The following NBEA variants were observed in gnomAD, a reference collection of about 807,000 sequenced individuals.
The protein encoded by NBEA is lysosomal-trafficking regulator 2.
In NBEA, 44 loss-of-function variants were observed where a neutral mutation model predicts 343.4. The ratio of observed to expected loss-of-function variants is 0.13; its 90% CI spans 0.10 to 0.16. NBEA has a LOEUF of 0.16. Ranked by LOEUF, NBEA falls within the 10% of genes least tolerant of loss-of-function variation. The pLI, the probability that NBEA is intolerant of heterozygous loss-of-function variation, is 1.00. For synonymous variants in NBEA, 1,175 were observed against 1,238.7 expected (o/e 0.95, Z 1.08); for missense variants, 2,555 against 3,631.3 (o/e 0.70, Z 7.62).
At chr13:35,212,507 T>C (rs938834076) in intron 33 of NBEA, among the ~76,000 whole-genome samples, 15 of 152,188 alleles carry the variant, frequency 9.9e-5, no homozygotes, top group African/African-American at 3.1e-4. Flanking sequence ...TACTATTACA[T>C]GTGTGTACTG....
At chr13:35,254,468 C>T (rs1229688268) in intron 34 of NBEA, among the ~76,000 whole-genome samples, 2 of 151,618 alleles carry the variant, frequency 1.3e-5, no homozygotes, top group African/African-American at 4.8e-5. Context: ...CAGGTGTGCA[C>T]CACCACACTC....
At chr13:34,982,510 A>G (rs1312506755) in intron 1 of NBEA, among the ~76,000 whole-genome samples, 1 of 152,142 alleles carries the variant, frequency 6.6e-6, no homozygotes, top group Non-Finnish European at 1.5e-5. Flanking sequence ...CATGTTGGCC[A>G]GGCTGGTCTT....
chr13:35,567,618 G>T (rs1181986220), intron 45 of NBEA, among the ~76,000 whole-genome samples: 1 of 152,194 alleles, frequency 6.6e-6, no homozygotes, highest in Non-Finnish European at 1.5e-5. Context: ...AGCCCAAAAA[G>T]CTGCTCTATA....
At chr13:35,258,053 A>G (rs1347557535) in intron 34 of NBEA, among the ~76,000 whole-genome samples, 2 of 152,066 alleles carry the variant, frequency 1.3e-5, no homozygotes, top group African/African-American at 4.8e-5. Context: ...TTCATTTTAT[A>G]GATTTTTACA....
At chr13:35,452,052 A>G (rs1449634488) in intron 39 of NBEA, 40 bp from the exon 40 acceptor site, 1 of 1,483,220 alleles carries the variant, frequency 6.7e-7, no homozygotes, top group Admixed American at 1.9e-5. Flanking sequence ...AGCAGAAACA[A>G]TCATAATAAC....
chr13:35,436,872 G>C (rs2045473487), intron 39 of NBEA, among the ~76,000 whole-genome samples: 1 of 152,170 alleles, frequency 6.6e-6, no homozygotes, highest in African/African-American at 2.4e-5. Flanking sequence ...AGAATGTCTA[G>C]AAGTATTTGA....
intron 18 of NBEA, among the ~76,000 whole-genome samples, chr13:35,150,774 T>C (rs375360051): frequency 2.7e-5 from 4 of 150,882 alleles, no homozygotes; most frequent in African/African-American, 2.4e-5. Flanking sequence ...AACCAACTTA[T>C]GGTGTTGATA....
intron 41 of NBEA, among the ~76,000 whole-genome samples, chr13:35,518,903 T>C (rs533931957): frequency 2.0e-5 from 3 of 152,318 alleles, no homozygotes; most frequent in African/African-American, 7.2e-5. Context: ...CAGATGATTA[T>C]AAGAGAGCAA....
intron 34 of NBEA, among the ~76,000 whole-genome samples, chr13:35,289,484 C>T (rs9593049): frequency 0.015 from 2,241 of 151,868 alleles, 47 homozygotes; most frequent in African/African-American, 0.051. Context: ...GTTGGCACTT[C>T]GAAAAACTAC....
chr13:35,283,040 A>G (rs1321553612), intron 34 of NBEA, among the ~76,000 whole-genome samples: 3 of 152,146 alleles, frequency 2.0e-5, no homozygotes, highest in African/African-American at 4.8e-5. Flanking sequence ...TAATGCCATT[A>G]GAGTATTCTC....
At chr13:34,959,383 G>C (rs573887128) in intron 1 of NBEA, among the ~76,000 whole-genome samples, 1 of 152,008 alleles carries the variant, frequency 6.6e-6, no homozygotes, top group East Asian at 1.9e-4. Context: ...TGGAGGTGCA[G>C]TCTTTCAATA....
chr13:35,436,747 GCTAA>G, intron 39 of NBEA, among the ~76,000 whole-genome samples: 1 of 151,356 alleles, frequency 6.6e-6, no homozygotes, highest in South Asian at 2.1e-4. Flanking sequence ...AAAGTTAAGT[GCTAA>G]CTGTGTAGAA....
chr13:35,024,503 C>T (rs1019601999), intron 1 of NBEA, among the ~76,000 whole-genome samples: 6 of 151,564 alleles, frequency 4.0e-5, no homozygotes, highest in Non-Finnish European at 7.4e-5. Context: ...GAAACTTTGT[C>T]TCCACTGAAA....
intron 38 of NBEA, among the ~76,000 whole-genome samples, chr13:35,415,710 G>A (rs1373878826): frequency 5.9e-5 from 9 of 151,948 alleles, no homozygotes; most frequent in African/African-American, 1.7e-4. Flanking sequence ...TTGACTTGGC[G>A]ATGTGGGCTC....
At chr13:35,097,602 CTT>C (rs1344899195) in intron 10 of NBEA, among the ~76,000 whole-genome samples, 1 of 151,876 alleles carries the variant, frequency 6.6e-6, no homozygotes, top group Non-Finnish European at 1.5e-5. Context: ...GCAATCATTT[CTT>C]TTTATTTTGT....
At chr13:35,173,712 A>G in intron 27 of NBEA, 118 bp downstream of exon 27, 1 of 791,112 alleles carries the variant, frequency 1.3e-6, no homozygotes, top group South Asian at 4.8e-5. Flanking sequence ...CATTGTCATT[A>G]GGCAGCTCTA....
chr13:35,139,815 T>C lies in NBEA; in HGVS notation c.2337-2454T>C, dbSNP rs80111258. Among the ~76,000 whole-genome samples, 926 of 150,496 alleles carry C rather than the reference T, an allele frequency of 6.2e-3. 10 individuals are homozygous for C. Among genetic ancestry groups the C allele is most frequent in the African/African-American group, 0.022 (886 of 40,796 alleles). On this transcript the variant is annotated intron_variant, in intron 17 of 58. Transcript: ENST00000379939. ...CAACAAAATGTACTGGTAAGTATTGTTTTAAAGAAAACTACAGGAGGAAGT... is the reference window on the plus strand; with the variant it reads ...CAACAAAATGTACTGGTAAGTATTGCTTTAAAGAAAACTACAGGAGGAAGT...
intron 45 of NBEA, among the ~76,000 whole-genome samples, chr13:35,582,158 C>T (rs988038610): frequency 5.9e-5 from 9 of 151,868 alleles, no homozygotes; most frequent in South Asian, 4.2e-4. Context: ...TGGTGGCGGG[C>T]GCCTGTAGTC....
intron 18 of NBEA, among the ~76,000 whole-genome samples, chr13:35,151,458 G>T (rs967784627): frequency 6.6e-6 from 1 of 150,712 alleles, no homozygotes; most frequent in African/African-American, 2.4e-5. Flanking sequence ...CAGGAGAATC[G>T]CTTGAACCCG....
Sources: allele counts gnomAD v4.1 joint callset (sites outside exome capture counted in the v4.1 genomes callset), GRCh38; gene constraint gnomAD v4.1.1; transcripts MANE v1.5; gene names NCBI Gene and HGNC (gene_info 2026-07-23, HGNC 2026-07-21).